Variants in TMTC2 observed in about 807,000 individuals in gnomAD.
TMTC2 encodes the protein protein O-mannosyl-transferase TMTC2.
TMTC2 carries 43 observed loss-of-function variants against 82.4 expected under a neutral mutation model. The observed-to-expected ratio is 0.52, with a 90% confidence interval of 0.41 to 0.67. TMTC2 has a LOEUF of 0.67. Among genes scored for constraint, TMTC2 ranks in the 30% least tolerant of loss-of-function variants. TMTC2 has a pLI of 0.00. For missense variants in TMTC2, 919 were observed against 1,012.4 expected (o/e 0.91, Z 1.25); for synonymous variants, 408 against 381.9 (o/e 1.07, Z -0.80).
intron 8 of TMTC2, among the ~76,000 whole-genome samples, chr12:82,992,028 AGTAATT>A (rs1487469164): frequency 6.6e-6 from 1 of 152,236 alleles, no homozygotes; most frequent in Non-Finnish European, 1.5e-5. Flanking sequence ...AGACTCTGAC[AGTAATT>A]CTTGATACAG....
intron 4 of TMTC2, among the ~76,000 whole-genome samples, chr12:82,956,499 G>C (rs1329367241): frequency 6.6e-6 from 1 of 152,130 alleles, no homozygotes; most frequent in Non-Finnish European, 1.5e-5. Flanking sequence ...ACCCAGGCTA[G>C]AGTACAATAG....
intron 11 of TMTC2, among the ~76,000 whole-genome samples, chr12:83,122,299 G>A (rs61929928): frequency 0.069 from 10,349 of 151,058 alleles, 510 homozygotes; most frequent in African/African-American, 0.11. Flanking sequence ...TGTGGAGTCT[G>A]CACACTAGAT....
chr12:82,903,678 G>C (rs558836947), intron 3 of TMTC2, among the ~76,000 whole-genome samples: 1 of 152,190 alleles, frequency 6.6e-6, no homozygotes. Context: ...CTCCCAAAGT[G>C]CCGGGATTAC....
At chr12:82,713,251 G>A (rs1211588583) in intron 1 of TMTC2, among the ~76,000 whole-genome samples, 1 of 151,916 alleles carries the variant, frequency 6.6e-6, no homozygotes, top group Non-Finnish European at 1.5e-5. Context: ...GGAGGTGGAG[G>A]TTGCAGTGAG....
At chr12:82,965,932 G>A in intron 6 of TMTC2, 188 bp downstream of exon 6, 1 of 603,342 alleles carries the variant, frequency 1.7e-6, no homozygotes. Context: ...AATTTGTTTA[G>A]AAAAAGCTTC....
At chr12:83,038,189 A>G (rs1881744031) in intron 9 of TMTC2, among the ~76,000 whole-genome samples, 1 of 151,136 alleles carries the variant, frequency 6.6e-6, no homozygotes, top group Non-Finnish European at 1.5e-5. Flanking sequence ...CTAATGTTAA[A>G]TGACGAGTTA....
chr12:82,830,077 T>C (rs1869665778), intron 1 of TMTC2, among the ~76,000 whole-genome samples: 1 of 152,162 alleles, frequency 6.6e-6, no homozygotes, highest in African/African-American at 2.4e-5. Flanking sequence ...AAAAACCTTT[T>C]AAAGAATGGA....
At chr12:83,003,713 C>T (rs539172585) in intron 8 of TMTC2, among the ~76,000 whole-genome samples, 1 of 152,236 alleles carries the variant, frequency 6.6e-6, no homozygotes, top group African/African-American at 2.4e-5. Context: ...GTTGGAATTT[C>T]ATTTCTTTAA....
chr12:83,010,443 G>T (rs963012046), intron 8 of TMTC2, among the ~76,000 whole-genome samples: 2 of 152,100 alleles, frequency 1.3e-5, no homozygotes, highest in African/African-American at 4.8e-5. Flanking sequence ...GCTTCCTGTT[G>T]ACCAGCTCTC....
chr12:82,900,973 T>G (rs1158010432), intron 3 of TMTC2, among the ~76,000 whole-genome samples: 2 of 32,894 alleles, frequency 6.1e-5, no homozygotes, highest in African/African-American at 3.2e-4. Context: ...TATAGGAATA[T>G]ATATATATCT....
chr12:83,061,322 G>A (rs1019926018), intron 10 of TMTC2, among the ~76,000 whole-genome samples: 74 of 151,736 alleles, frequency 4.9e-4, no homozygotes, highest in African/African-American at 1.8e-3. Context: ...TGGAAAGAAA[G>A]TGTCTTTCTA....
rs144346903 is a variant in TMTC2, at chr12:83,097,528, C to T, written c.2332-34682C>T. ...TCATTTAACAAATATTTATTGAATA[C>T]CTGTTCACTGTCAACACTGCCCTAG... On this transcript the variant is annotated intron_variant, in intron 11 of 11. Coordinates refer to ENST00000321196, the MANE Select transcript of TMTC2 (RefSeq NM_152588.3). 6.1e-3 allele frequency among the ~76,000 whole-genome samples: 925 copies of T among 152,212 alleles called. 8 individuals are homozygous for T. Among genetic ancestry groups the T allele is most frequent in the Admixed American group, 9.7e-3 (149 of 15,288 alleles).
intron 2 of TMTC2, among the ~76,000 whole-genome samples, chr12:82,869,644 G>A (rs1228599611): frequency 6.6e-6 from 1 of 151,916 alleles, no homozygotes; most frequent in Non-Finnish European, 1.5e-5. Flanking sequence ...TTCGAGACCA[G>A]CCTGAGCAAC....
At chr12:82,727,589 C>T (rs560980942) in intron 1 of TMTC2, among the ~76,000 whole-genome samples, 3 of 151,806 alleles carry the variant, frequency 2.0e-5, no homozygotes, top group South Asian at 2.1e-4. Context: ...GGCATGATGG[C>T]GTGGGCCTGT....
chr12:82,963,659 T>A (rs1054474423), intron 4 of TMTC2, among the ~76,000 whole-genome samples: 4 of 150,452 alleles, frequency 2.7e-5, no homozygotes, highest in African/African-American at 7.3e-5. Flanking sequence ...CATGTTTGAA[T>A]AAAACTGACC....
intron 11 of TMTC2, among the ~76,000 whole-genome samples, chr12:83,073,526 C>G (rs1390348056): frequency 2.0e-5 from 3 of 152,134 alleles, no homozygotes; most frequent in African/African-American, 7.2e-5. Flanking sequence ...GTCTAGGTCT[C>G]TAGCAAGGCC....
chr12:83,030,273 A>C (rs1425420372), intron 8 of TMTC2, among the ~76,000 whole-genome samples: 2 of 152,164 alleles, frequency 1.3e-5, no homozygotes, highest in Non-Finnish European at 2.9e-5. Flanking sequence ...TTTGGCATAC[A>C]TACATTATAA....
chr12:82,888,061 A>G (rs1247912113), intron 2 of TMTC2, among the ~76,000 whole-genome samples: 2 of 147,070 alleles, frequency 1.4e-5, no homozygotes, highest in African/African-American at 5.4e-5. Flanking sequence ...CCTGGGTAAC[A>G]AGAGCGAAAC....
chr12:82,951,335 G>A (rs879401136), intron 4 of TMTC2, among the ~76,000 whole-genome samples: 9 of 151,850 alleles, frequency 5.9e-5, no homozygotes, highest in Non-Finnish European at 1.0e-4. Context: ...TCTGTCGCTA[G>A]GCTGGAGTGC....
Sources: allele counts gnomAD v4.1 joint callset (sites outside exome capture counted in the v4.1 genomes callset), GRCh38; gene constraint gnomAD v4.1.1; transcripts MANE v1.5; gene names NCBI Gene and HGNC (gene_info 2026-07-23, HGNC 2026-07-21).